Variants in AKAP6 observed in about 807,000 individuals in gnomAD.
AKAP6 encodes A-kinase anchor protein 6.
AKAP6 carries 58 observed loss-of-function variants against 188.5 expected under a neutral mutation model. The ratio of observed to expected loss-of-function variants is 0.31; its 90% confidence interval spans 0.25 to 0.38. The LOEUF is 0.38. Among genes scored for constraint, AKAP6 ranks in the 10% least tolerant of loss-of-function variants. The probability of loss-of-function intolerance (pLI) is 1.00; values close to 1 mark genes in which losing one functional copy is unlikely to be tolerated. For missense variants in AKAP6, 2,710 were observed against 2,740.0 expected, an observed-to-expected ratio of 0.99 and a Z score of 0.24; for synonymous variants, 989 against 998.6, an observed-to-expected ratio of 0.99 and a Z score of 0.18.
At chr14:32,567,179 C>T (rs1010730270) in intron 4 of AKAP6, among the ~76,000 whole-genome samples, 1 of 152,140 alleles carries the variant, frequency 6.6e-6, no homozygotes, top group Non-Finnish European at 1.5e-5. Context: ...CTTTGGCCTC[C>T]CAAAGTGCTG....
chr14:32,563,540 T>C (rs1884051283), intron 4 of AKAP6, among the ~76,000 whole-genome samples: 1 of 152,174 alleles, frequency 6.6e-6, no homozygotes, highest in Non-Finnish European at 1.5e-5. Context: ...AGATGACTGG[T>C]CTTTTGACAT....
rs561528554 is a variant in AKAP6, at chr14:32,732,705, AT to A, written c.3147+107del. 3,047 of 1,267,314 alleles carry A rather than the reference AT, an allele frequency of 2.4e-3. 7 individuals carry two copies. The highest frequency in any genetic ancestry group is 2.7e-3 in the Non-Finnish European group (2,362 of 879,624). The allele number at this position is 1,267,314 out of a possible 1,614,324, so 78.5% of individuals were successfully genotyped here. On this transcript the variant is annotated intron_variant, in intron 10 of 13. Transcript: ENST00000280979. Reference sequence around the variant, plus strand: ...GAGGCACAAATATCTCTCTCTTTCAATTCACTACCTACGTTTCAAACAAGCT... The same window carrying A: ...GAGGCACAAATATCTCTCTCTTTCAATCACTACCTACGTTTCAAACAAGCT...
At chr14:32,530,117 C>T (rs78209299) in intron 2 of AKAP6, among the ~76,000 whole-genome samples, 1,554 of 151,952 alleles carry the variant, frequency 0.01, 19 homozygotes, top group African/African-American at 0.035. Context: ...GCCTACACCT[C>T]GTGGGCTGAA....
At chr14:32,459,207 T>C (rs774227727) in intron 2 of AKAP6, among the ~76,000 whole-genome samples, 2 of 152,154 alleles carry the variant, frequency 1.3e-5, no homozygotes, top group Non-Finnish European at 2.9e-5. Flanking sequence ...GATCAGTGGT[T>C]GCTAGAGATT....
chr14:32,801,206 C>A (rs553354166), intron 12 of AKAP6, among the ~76,000 whole-genome samples: 1 of 152,006 alleles, frequency 6.6e-6, no homozygotes, highest in African/African-American at 2.4e-5. Context: ...TGCATTTGTT[C>A]TTTCTTTTTT....
chr14:32,744,386 G>A (rs1173879987), intron 11 of AKAP6, among the ~76,000 whole-genome samples: 7 of 151,622 alleles, frequency 4.6e-5, no homozygotes, highest in South Asian at 2.1e-4. Flanking sequence ...GCACAATCTC[G>A]GCTCACTGCA....
intron 12 of AKAP6, among the ~76,000 whole-genome samples, chr14:32,800,841 C>A (rs1477591757): frequency 6.6e-6 from 1 of 151,854 alleles, no homozygotes; most frequent in Non-Finnish European, 1.5e-5. Flanking sequence ...ATAGCAAAAA[C>A]CCATCTATGC....
At chr14:32,744,480 C>A (rs2031810033) in intron 11 of AKAP6, among the ~76,000 whole-genome samples, 1 of 152,018 alleles carries the variant, frequency 6.6e-6, no homozygotes, top group Non-Finnish European at 1.5e-5. Context: ...CCACACCCAG[C>A]CAATTCTTTG....
intron 1 of AKAP6, among the ~76,000 whole-genome samples, chr14:32,415,273 T>C (rs1889619832): frequency 6.6e-6 from 1 of 152,204 alleles, no homozygotes; most frequent in African/African-American, 2.4e-5. Flanking sequence ...GTGCCTTAAC[T>C]GAGCAGATAC....
intron 9 of AKAP6, among the ~76,000 whole-genome samples, chr14:32,704,764 A>G (rs1451481769): frequency 6.6e-6 from 1 of 152,178 alleles, no homozygotes. Context: ...AAAAAGATAA[A>G]TGATAGGCTT....
At chr14:32,797,808 GA>G (rs1307488369) in intron 12 of AKAP6, among the ~76,000 whole-genome samples, 2 of 149,414 alleles carry the variant, frequency 1.3e-5, no homozygotes, top group Non-Finnish European at 3.0e-5. Context: ...AACCCTAGAA[GA>G]AAACACAGTA....
At chr14:32,699,784 T>C (rs1246411417) in intron 9 of AKAP6, among the ~76,000 whole-genome samples, 2 of 152,198 alleles carry the variant, frequency 1.3e-5, no homozygotes, top group African/African-American at 4.8e-5. Flanking sequence ...GAAGGAGAAT[T>C]TGCACCCACT....
chr14:32,353,621 G>A (rs1040971122), intron 1 of AKAP6, among the ~76,000 whole-genome samples: 3 of 152,148 alleles, frequency 2.0e-5, no homozygotes, highest in African/African-American at 4.8e-5. Flanking sequence ...AGTCAGGCAG[G>A]AGAAAGAAAT....
At chr14:32,786,420 G>T (rs2033420918) in intron 12 of AKAP6, among the ~76,000 whole-genome samples, 1 of 146,096 alleles carries the variant, frequency 6.8e-6, no homozygotes, top group South Asian at 2.2e-4. Flanking sequence ...CCATTCTCCT[G>T]CCCCAGCCTC....
At chr14:32,512,138 G>C (rs1881292672) in intron 2 of AKAP6, among the ~76,000 whole-genome samples, 1 of 152,170 alleles carries the variant, frequency 6.6e-6, no homozygotes, top group Non-Finnish European at 1.5e-5. Context: ...ATAAGATTTA[G>C]GGTACTGTGG....
In AKAP6 at chr14:32,346,602, G is replaced by A. The variant is rs1241908412; in HGVS notation, c.-35+17194G>A. Among the ~76,000 whole-genome samples, 11 of 152,274 alleles carry A rather than the reference G, an allele frequency of 7.2e-5. No individual in the cohort carries two copies. The South Asian group carries it at 8.3e-4, about 11-fold the overall frequency. On this transcript the variant is annotated intron_variant, in intron 1 of 13. Coordinates refer to ENST00000280979, the MANE Select transcript of AKAP6 (RefSeq NM_004274.5). ...TGGCTCACTGAAAGCTCCGCCTCCC[G>A]GGTTCACGCCATTCTCCTGCCTCAG... is the stretch of plus-strand genomic sequence containing the variant.
chr14:32,500,734 T>C (rs370243878), intron 2 of AKAP6, among the ~76,000 whole-genome samples: 1 of 152,174 alleles, frequency 6.6e-6, no homozygotes, highest in Non-Finnish European at 1.5e-5. Flanking sequence ...GATCTTTGTG[T>C]CTCCCAACCT....
chr14:32,432,403 T>G (rs1157985084), intron 1 of AKAP6, among the ~76,000 whole-genome samples: 1 of 152,174 alleles, frequency 6.6e-6, no homozygotes, highest in African/African-American at 2.4e-5. Context: ...CCACCTTACT[T>G]TTTGATGAAT....
chr14:32,579,532 A>G (rs1433453574), intron 5 of AKAP6, among the ~76,000 whole-genome samples: 1 of 152,144 alleles, frequency 6.6e-6, no homozygotes, highest in East Asian at 1.9e-4. Context: ...ATAATGTCTA[A>G]CAGTTACTGA....
Sources: allele counts gnomAD v4.1 joint callset (sites outside exome capture counted in the v4.1 genomes callset), GRCh38; gene constraint gnomAD v4.1.1; transcripts MANE v1.5; gene names NCBI Gene and HGNC (gene_info 2026-07-23, HGNC 2026-07-21).